The following TBC1D22A variants were observed in gnomAD, a reference collection of about 807,000 sequenced individuals.
The protein encoded by TBC1D22A is TBC1 domain family member 22A, also known as putative GTPase activator.
A neutral mutation model predicts 60.2 loss-of-function variants in TBC1D22A; 38 were observed. The observed-to-expected ratio is 0.63, with a 90% confidence interval of 0.49 to 0.83. The LOEUF is 0.83. Ranked by LOEUF, TBC1D22A falls within the 40% of genes least tolerant of loss-of-function variation. TBC1D22A has a pLI of 0.00. For synonymous variants in TBC1D22A, 302 were observed against 281.7 expected (o/e 1.07, Z -0.72); for missense variants, 628 against 701.0 (o/e 0.90, Z 1.18).
intron 10 of TBC1D22A, among the ~76,000 whole-genome samples, chr22:47,001,402 C>T (rs2061407427): frequency 6.8e-6 from 1 of 146,594 alleles, no homozygotes; most frequent in Non-Finnish European, 1.5e-5. Flanking sequence ...CGAGATCGCG[C>T]CATTGTACTC....
rs1328999484 is a variant in TBC1D22A, at chr22:46,912,184, C to T, written c.1011C>T (p.Tyr337=). 1.9e-6 allele frequency: 3 copies of T among 1,609,728 alleles called. No homozygotes were observed. Among genetic ancestry groups the T allele is most frequent in the Admixed American group, 3.3e-5 (2 of 59,848 alleles). ...TPFFVVFICE[Y]IEAEEVDTVD... is the part of the protein sequence containing the mutation. ...TCTTTGTGGTCTTCATTTGTGAATA[C>T]ATAGGTAAGATTTCTTGCAAACATT... Residue 337 remains tyrosine (Y), a synonymous_variant, in exon 8 of 13, where the codon TAC becomes TAT. Transcript: ENST00000337137.
rs184837006 is a variant in TBC1D22A, at chr22:46,937,520, G to A, written c.1015+25332G>A. ...ATAATACTTGATCATGATAGTAAAT[G>A]ACTGTGTTACTGGTTTAAGTGCTTA... On this transcript the variant is annotated intron_variant, in intron 8 of 12. Transcript: ENST00000337137. 2.1e-4 allele frequency among the ~76,000 whole-genome samples: 32 copies of A among 152,278 alleles called. No individual in the cohort carries two copies. In the East Asian group the frequency reaches 6.0e-3, roughly 28 times the overall value.
intron 4 of TBC1D22A, among the ~76,000 whole-genome samples, chr22:46,835,548 T>C (rs997609736): frequency 1.3e-5 from 2 of 151,188 alleles, no homozygotes; most frequent in Admixed American, 1.3e-4. Context: ...AATTAGAAAA[T>C]AAAAAAGCAT....
intron 4 of TBC1D22A, among the ~76,000 whole-genome samples, chr22:46,860,790 G>T (rs1301995782): frequency 6.6e-6 from 1 of 152,200 alleles, no homozygotes; most frequent in Non-Finnish European, 1.5e-5. Context: ...GTCTCCTGGA[G>T]CAGTGAGCAG....
chr22:46,994,361 T>C (rs1365554045), intron 9 of TBC1D22A, among the ~76,000 whole-genome samples: 1 of 121,176 alleles, frequency 8.3e-6, no homozygotes, highest in East Asian at 2.2e-4. Flanking sequence ...CCACCTGCTG[T>C]GGAGCCTCTT....
intron 12 of TBC1D22A, among the ~76,000 whole-genome samples, chr22:47,152,108 G>C (rs183870084): frequency 3.3e-5 from 5 of 152,352 alleles, no homozygotes; most frequent in Admixed American, 1.3e-4. Context: ...CGGTCCTAGG[G>C]CTCCACGGTT....
At chr22:46,958,084 G>A (rs1055178658) in intron 8 of TBC1D22A, among the ~76,000 whole-genome samples, 1 of 152,166 alleles carries the variant, frequency 6.6e-6, no homozygotes, top group African/African-American at 2.4e-5. Context: ...TGGGGTTTCT[G>A]CAGGTCGGGG....
At chr22:46,948,379 A>ACTCTTAATGTAGTCATTTTAC (rs1322496133) in intron 8 of TBC1D22A, among the ~76,000 whole-genome samples, 1 of 152,198 alleles carries the variant, frequency 6.6e-6, no homozygotes, top group Admixed American at 6.5e-5. Flanking sequence ...AGTCATTTTT[A>ACTCTTAATGTAGTCATTTTAC]TACAGGGTCA....
intron 12 of TBC1D22A, among the ~76,000 whole-genome samples, chr22:47,130,049 G>A (rs1185701535): frequency 1.3e-5 from 2 of 152,212 alleles, no homozygotes; most frequent in African/African-American, 2.4e-5. Context: ...GGTGTGCCTG[G>A]ACTTGTCACC....
At chr22:46,907,216 C>T (rs2069552448) in intron 7 of TBC1D22A, among the ~76,000 whole-genome samples, 2 of 152,206 alleles carry the variant, frequency 1.3e-5, no homozygotes, top group South Asian at 4.1e-4. Context: ...CTCCTCCCTC[C>T]TCAGCTTTCA....
chr22:47,003,802 T>TATAC (rs1569324864), intron 10 of TBC1D22A, among the ~76,000 whole-genome samples: 2 of 92,602 alleles, frequency 2.2e-5, no homozygotes, highest in African/African-American at 4.6e-5. Flanking sequence ...CACATGCCTG[T>TATAC]ACACACCCTA....
chr22:47,008,474 G>A (rs958391367), intron 10 of TBC1D22A, among the ~76,000 whole-genome samples: 1 of 152,236 alleles, frequency 6.6e-6, no homozygotes, highest in Non-Finnish European at 1.5e-5. Context: ...AACCAGGACA[G>A]GGCCTTCTCA....
intron 12 of TBC1D22A, among the ~76,000 whole-genome samples, chr22:47,157,199 A>C (rs1252468055): frequency 1.3e-5 from 2 of 152,224 alleles, no homozygotes; most frequent in African/African-American, 4.8e-5. Context: ...GGAGAGCAGC[A>C]TGCAGAGTCA....
chr22:47,011,687 C>T (rs1233147767), intron 10 of TBC1D22A, among the ~76,000 whole-genome samples: 1 of 152,170 alleles, frequency 6.6e-6, no homozygotes, highest in African/African-American at 2.4e-5. Flanking sequence ...GGATTTAAAG[C>T]AGTTTCTCTG....
intron 11 of TBC1D22A, among the ~76,000 whole-genome samples, chr22:47,098,170 T>C (rs555136003): frequency 4.3e-4 from 65 of 152,348 alleles, no homozygotes; most frequent in Middle Eastern, 3.4e-3. Context: ...GCACGTGGGC[T>C]CTTCCGTGAA....
intron 12 of TBC1D22A, among the ~76,000 whole-genome samples, chr22:47,154,496 A>G (rs1378670269): frequency 6.6e-6 from 1 of 152,108 alleles, no homozygotes; most frequent in East Asian, 1.9e-4. Flanking sequence ...AACATCACCT[A>G]GTATGGGGCT....
At chr22:46,787,677 C>G (rs2084218710) in intron 1 of TBC1D22A, among the ~76,000 whole-genome samples, 1 of 152,054 alleles carries the variant, frequency 6.6e-6, no homozygotes, top group African/African-American at 2.4e-5. Flanking sequence ...GTATGTTGCC[C>G]AGAGATCCAC....
chr22:47,133,282 C>T (rs1601619641), intron 12 of TBC1D22A, among the ~76,000 whole-genome samples: 1 of 152,226 alleles, frequency 6.6e-6, no homozygotes, highest in Non-Finnish European at 1.5e-5. Context: ...AACTATACAG[C>T]TCTTTCCATG....
intron 4 of TBC1D22A, among the ~76,000 whole-genome samples, chr22:46,836,541 A>G (rs1380644534): frequency 6.6e-6 from 1 of 152,138 alleles, no homozygotes; most frequent in Non-Finnish European, 1.5e-5. Flanking sequence ...AATCATCACA[A>G]CAGAAGACGG....
Sources: allele counts gnomAD v4.1 joint callset (sites outside exome capture counted in the v4.1 genomes callset), GRCh38; gene constraint gnomAD v4.1.1; transcripts MANE v1.5; gene names NCBI Gene and HGNC (gene_info 2026-07-23, HGNC 2026-07-21).